Variants in PTPRD observed in about 807,000 individuals in gnomAD.
The protein encoded by PTPRD is protein tyrosine phosphatase receptor type D.
PTPRD carries 34 observed loss-of-function variants against 214.5 expected under a neutral mutation model. That is an observed-to-expected ratio of 0.16 (90% CI 0.12 to 0.21). The LOEUF is 0.21. PTPRD is among the 10% of genes least tolerant of loss of function. The pLI is 1.00. For synonymous variants in PTPRD, 1,128 were observed against 845.7 expected (o/e 1.33, Z -5.79); for missense variants, 2,545 against 2,398.7 (o/e 1.06, Z -1.27).
intron 11 of PTPRD, among the ~76,000 whole-genome samples, chr9:8,943,251 T>C (rs1373012387): frequency 6.6e-6 from 1 of 152,092 alleles, no homozygotes; most frequent in Non-Finnish European, 1.5e-5. Context: ...ACCAATTATA[T>C]TCTTCATAGA....
At chr9:9,136,398 T>A (rs1045179505) in intron 10 of PTPRD, among the ~76,000 whole-genome samples, 1 of 152,122 alleles carries the variant, frequency 6.6e-6, no homozygotes, top group South Asian at 2.1e-4. Context: ...AGCTGTAGAT[T>A]CTCATTAAAC....
intron 4 of PTPRD, among the ~76,000 whole-genome samples, chr9:10,008,365 C>A (rs912103900): frequency 1.1e-4 from 17 of 152,086 alleles, no homozygotes; most frequent in Admixed American, 1.1e-3. Flanking sequence ...TGATGAGAGA[C>A]CACCAACTGT....
At chr9:8,399,260 C>T (rs534184174) in intron 36 of PTPRD, among the ~76,000 whole-genome samples, 6 of 152,154 alleles carry the variant, frequency 3.9e-5, no homozygotes, top group African/African-American at 9.6e-5. Flanking sequence ...AAGAAAACAA[C>T]GAAAGACTCT....
In PTPRD at chr9:9,081,617, T is replaced by C. The variant is rs2099759131; in HGVS notation, c.-142-62882A>G. Among the ~76,000 whole-genome samples the C allele has an allele frequency of 2.0e-5, 3 of 152,094 alleles. 1 individual carries two copies. The South Asian group carries it at 6.2e-4, about 32-fold the overall frequency. ...GGGTGTTAAAGTCTCCCAGTATTAT[T>C]GTGTGGGAGTCTAAGTCTCTTTGTA... is the stretch of plus-strand genomic sequence containing the variant. On this transcript the variant is annotated intron_variant, in intron 10 of 45. Coordinates refer to ENST00000381196, the MANE Select transcript of PTPRD (RefSeq NM_002839.4).
At chr9:10,607,469 T>A (rs2079746739) in intron 2 of PTPRD, among the ~76,000 whole-genome samples, 1 of 151,884 alleles carries the variant, frequency 6.6e-6, no homozygotes, top group Admixed American at 6.6e-5. Context: ...CACAGATACA[T>A]AAATGCTCAC....
chr9:9,930,199 G>A (rs1162704890), intron 5 of PTPRD, among the ~76,000 whole-genome samples: 1 of 152,182 alleles, frequency 6.6e-6, no homozygotes, highest in Non-Finnish European at 1.5e-5. Flanking sequence ...CAGTTTAGGA[G>A]ACCTGCAGTT....
intron 7 of PTPRD, among the ~76,000 whole-genome samples, chr9:9,621,042 T>C (rs990983807): frequency 6.6e-6 from 1 of 152,132 alleles, no homozygotes; most frequent in Non-Finnish European, 1.5e-5. Flanking sequence ...GGGCAGGGGT[T>C]AGTCTGCAGT....
chr9:10,085,295 C>T (rs72694832), intron 3 of PTPRD, among the ~76,000 whole-genome samples: 5,409 of 151,740 alleles, frequency 0.036, 162 homozygotes, highest in Admixed American at 0.093. Flanking sequence ...CCAAGATAAC[C>T]GATTATTTTT....
At chr9:9,368,020 C>G (rs910323202) in intron 9 of PTPRD, among the ~76,000 whole-genome samples, 1 of 151,688 alleles carries the variant, frequency 6.6e-6, no homozygotes, top group African/African-American at 2.4e-5. Flanking sequence ...GATTAAACTT[C>G]TGAAAACATA....
At chr9:9,116,365 G>T (rs1261262480) in intron 10 of PTPRD, among the ~76,000 whole-genome samples, 1 of 152,098 alleles carries the variant, frequency 6.6e-6, no homozygotes, top group Non-Finnish European at 1.5e-5. Context: ...AGTAATTCAG[G>T]AATGGAAAAC....
intron 2 of PTPRD, among the ~76,000 whole-genome samples, chr9:10,606,720 A>G (rs766825834): frequency 6.6e-6 from 1 of 151,820 alleles, no homozygotes; most frequent in Non-Finnish European, 1.5e-5. Context: ...GTCATGTTAC[A>G]TGTGGGTAGT....
At chr9:9,861,885 T>G (rs2062855545) in intron 5 of PTPRD, among the ~76,000 whole-genome samples, 1 of 152,220 alleles carries the variant, frequency 6.6e-6, no homozygotes, top group Non-Finnish European at 1.5e-5. Flanking sequence ...ATATTTACCT[T>G]ACCTGTTTTG....
intron 7 of PTPRD, among the ~76,000 whole-genome samples, chr9:9,648,129 T>C (rs2096244100): frequency 6.6e-6 from 1 of 152,200 alleles, no homozygotes; most frequent in African/African-American, 2.4e-5. Context: ...GTCATATATT[T>C]ATTTTAATGC....
chr9:10,002,087 G>C (rs2096334181), intron 4 of PTPRD, among the ~76,000 whole-genome samples: 1 of 151,658 alleles, frequency 6.6e-6, no homozygotes, highest in African/African-American at 2.4e-5. Flanking sequence ...AAATTAAGTT[G>C]TATTAATCTG....
intron 3 of PTPRD, among the ~76,000 whole-genome samples, chr9:10,336,008 T>A (rs2096837765): frequency 6.6e-6 from 1 of 151,728 alleles, no homozygotes; most frequent in Non-Finnish European, 1.5e-5. Flanking sequence ...AAATGGCACA[T>A]CCAGTTTGGA....
At chr9:10,569,944 G>T (rs1447086693) in intron 2 of PTPRD, among the ~76,000 whole-genome samples, 1 of 152,058 alleles carries the variant, frequency 6.6e-6, no homozygotes, top group African/African-American at 2.4e-5. Flanking sequence ...TGCTCTGAAT[G>T]TGTTTTTTAT....
At chr9:9,540,109 T>G (rs915799414) in intron 8 of PTPRD, among the ~76,000 whole-genome samples, 1 of 151,804 alleles carries the variant, frequency 6.6e-6, no homozygotes, top group Non-Finnish European at 1.5e-5. Flanking sequence ...AATGCCTTCT[T>G]ACCTACTACT....
chr9:8,321,667 TATTAA>T (rs1281860118), intron 44 of PTPRD, among the ~76,000 whole-genome samples: 1 of 151,614 alleles, frequency 6.6e-6, no homozygotes, highest in Non-Finnish European at 1.5e-5. Context: ...TAAGAAGATG[TATTAA>T]ATTAAAGATA....
At chr9:9,404,474 G>T (rs1002773357) in intron 8 of PTPRD, among the ~76,000 whole-genome samples, 2 of 152,084 alleles carry the variant, frequency 1.3e-5, no homozygotes, top group African/African-American at 4.8e-5. Context: ...AGATATTAAG[G>T]ATTATTGCTG....
Sources: allele counts gnomAD v4.1 joint callset (sites outside exome capture counted in the v4.1 genomes callset), GRCh38; gene constraint gnomAD v4.1.1; transcripts MANE v1.5; gene names NCBI Gene and HGNC (gene_info 2026-07-23, HGNC 2026-07-21).